The following RALY variants were observed in gnomAD, a reference collection of about 807,000 sequenced individuals.
The protein encoded by RALY is RNA-binding protein Raly.
RALY carries 15 observed loss-of-function variants against 30.7 expected under a neutral mutation model. The ratio of observed to expected loss-of-function variants is 0.49; its 90% CI spans 0.33 to 0.75. The LOEUF (loss-of-function observed/expected upper bound fraction) is 0.75. Among genes scored for constraint, RALY ranks in the 30% least tolerant of loss-of-function variants. RALY has a pLI of 0.02. For synonymous variants in RALY, 177 were observed against 170.8 expected (o/e 1.04, Z -0.28); for missense variants, 339 against 414.3 (o/e 0.82, Z 1.58).
rs969635059 is a variant in RALY, at chr20:34,082,979, G to C, written c.*3074G>C. 3.9e-5 allele frequency: 6 copies of C among 152,238 alleles called. No homozygotes were observed. The highest frequency in any genetic ancestry group is 8.8e-5 in the Non-Finnish European group (6 of 68,068). 9.4% of individuals were successfully genotyped at this position (152,238 alleles called of 1,614,324 possible). ...GGGTATACTGGATTGTGAGCTAAGA[G>C]GCCTGGGACTTTCCCCCTGTTGCTG... On this transcript the variant is annotated 3_prime_UTR_variant, in exon 10 of 10. Transcript: ENST00000246194.
chr20:34,037,653 C>T (rs1383159148), intron 2 of RALY, among the ~76,000 whole-genome samples: 1 of 152,144 alleles, frequency 6.6e-6, no homozygotes, highest in Non-Finnish European at 1.5e-5. Flanking sequence ...ACCCAGCGTA[C>T]TGTGTAAAGC....
intron 1 of RALY, among the ~76,000 whole-genome samples, chr20:34,009,869 T>C (rs2031324529): frequency 6.6e-6 from 1 of 152,114 alleles, no homozygotes; most frequent in African/African-American, 2.4e-5. Context: ...GGGAAACACT[T>C]GGTCAATTCA....
At chr20:33,996,160 T>C (rs1199106606) in intron 1 of RALY, among the ~76,000 whole-genome samples, 1 of 152,220 alleles carries the variant, frequency 6.6e-6, no homozygotes, top group Non-Finnish European at 1.5e-5. Flanking sequence ...CTTTTTTTAC[T>C]GTGAGGGAAT....
At chr20:34,014,270 G>T (rs2031524687) in intron 1 of RALY, among the ~76,000 whole-genome samples, 1 of 152,166 alleles carries the variant, frequency 6.6e-6, no homozygotes, top group South Asian at 2.1e-4. Flanking sequence ...GTACCTACTG[G>T]CAGTTGGATT....
At chr20:34,075,752 C>G in intron 5 of RALY, 122 bp from the exon 6 acceptor site, 2 of 1,109,310 alleles carry the variant, frequency 1.8e-6, no homozygotes, top group South Asian at 3.2e-5. Context: ...TAGGAGCCAG[C>G]AGAGGTGTGT....
intron 2 of RALY, among the ~76,000 whole-genome samples, chr20:34,037,615 C>T (rs1418606371): frequency 1.3e-5 from 2 of 152,140 alleles, no homozygotes; most frequent in Non-Finnish European, 2.9e-5. Context: ...TTAGTTTCCT[C>T]ATCTATAAAC....
chr20:34,075,202 C>T (rs184196458), intron 5 of RALY, among the ~76,000 whole-genome samples: 3 of 151,986 alleles, frequency 2.0e-5, no homozygotes, highest in Admixed American at 1.3e-4. Flanking sequence ...GAATGGAGCA[C>T]GAAGGATGTG....
intron 1 of RALY, among the ~76,000 whole-genome samples, chr20:34,008,690 G>T (rs1190542727): frequency 6.6e-6 from 1 of 152,178 alleles, no homozygotes; most frequent in Non-Finnish European, 1.5e-5. Context: ...ACAGGGTCTT[G>T]CTCTGTTACC....
Position 34,073,814 on chromosome 20 carries a change from C to G in RALY, c.330-5C>G. ...GCTCCAGCCCTCTCCCCTTTGTTTC[C>G]CCAGTGGCTACATCTTTGACTATGA... On this transcript the variant is annotated splice_polypyrimidine_tract_variant and splice_region_variant and intron_variant, in intron 4 of 9. Coordinates refer to ENST00000246194, the MANE Select transcript of RALY (RefSeq NM_016732.3). 3 of 1,614,078 alleles carry G rather than the reference C, an allele frequency of 1.9e-6. No homozygotes were observed. Among genetic ancestry groups the G allele is most frequent in the Non-Finnish European group, 2.5e-6 (3 of 1,179,964 alleles).
At chr20:34,020,415 A>G (rs972282437) in intron 1 of RALY, among the ~76,000 whole-genome samples, 3 of 152,228 alleles carry the variant, frequency 2.0e-5, no homozygotes, top group Non-Finnish European at 2.9e-5. Context: ...GAAGCTGCCA[A>G]ATTACAACTC....
rs75483658 is a variant in RALY at position 34,074,510 on chromosome 20, G to A, written c.377+644G>A. On this transcript the variant is annotated intron_variant, in intron 5 of 9. Transcript: ENST00000246194. ...GCTTAGCCCACCCCAGGCAGCCCAA[G>A]AAGAACAGTGCCTCTCTGAGCATGA... 2.6e-5 allele frequency among the ~76,000 whole-genome samples: 4 copies of A among 152,254 alleles called. No homozygotes were observed. In the East Asian group the frequency reaches 7.7e-4, roughly 29 times the overall value.
chr20:34,002,508 C>T (rs1439624203), intron 1 of RALY, among the ~76,000 whole-genome samples: 2 of 152,226 alleles, frequency 1.3e-5, no homozygotes, highest in African/African-American at 4.8e-5. Flanking sequence ...GCCTGCCGCC[C>T]TGGCTCATAT....
intron 2 of RALY, among the ~76,000 whole-genome samples, chr20:34,065,563 A>G (rs757140898): frequency 5.9e-5 from 9 of 152,206 alleles, no homozygotes; most frequent in South Asian, 4.1e-4. Context: ...TCATTTGGGC[A>G]CTGCTAATGA....
rs1186263711 is a variant in RALY, at chr20:34,080,797, C to T, written c.*892C>T. 6.6e-6 allele frequency: 1 copy of T among 152,408 alleles called. No individual in the cohort carries two copies. The highest frequency in any genetic ancestry group is 1.5e-5 in the Non-Finnish European group (1 of 68,116). 9.4% of individuals were successfully genotyped at this position (152,408 alleles called of 1,614,324 possible). On this transcript the variant is annotated 3_prime_UTR_variant, in exon 10 of 10. Transcript: ENST00000246194. ...GGTGTAAGATCCTGCTTACTCCAGC[C>T]TCTCCTGTTTCTTGTCACCACCCCT...
intron 1 of RALY, among the ~76,000 whole-genome samples, chr20:34,013,162 T>C (rs1022962036): frequency 6.6e-6 from 1 of 152,000 alleles, no homozygotes; most frequent in African/African-American, 2.4e-5. Flanking sequence ...TAAACTAGGG[T>C]GTTTGGTAAG....
At chr20:34,028,768 G>A (rs2032149288) in intron 1 of RALY, among the ~76,000 whole-genome samples, 2 of 149,270 alleles carry the variant, frequency 1.3e-5, no homozygotes, top group Admixed American at 1.3e-4. Flanking sequence ...AAGGGTTCAG[G>A]ATTACGTCAT....
rs6120498 is a variant in RALY at position 34,046,172 on chromosome 20, C to G, written c.-10+14568C>G. On this transcript the variant is annotated intron_variant, in intron 2 of 9. Coordinates refer to ENST00000246194, the MANE Select transcript of RALY (RefSeq NM_016732.3). Reference sequence around the variant, plus strand: ...CTTGCTCATGCTATTATTTCCACACCTGAACTGGCAGCCTGCTCTTAACCA... The same window carrying G: ...CTTGCTCATGCTATTATTTCCACACGTGAACTGGCAGCCTGCTCTTAACCA... Among the ~76,000 whole-genome samples the G allele has an allele frequency of 5.9e-5, 9 of 152,290 alleles. No individual in the cohort carries two copies. The South Asian group carries it at 1.9e-3, about 32-fold the overall frequency.
At chr20:34,002,109 G>T (rs958824426) in intron 1 of RALY, among the ~76,000 whole-genome samples, 4 of 152,160 alleles carry the variant, frequency 2.6e-5, no homozygotes, top group Admixed American at 2.0e-4. Context: ...TAAGGCTTTG[G>T]AATTTTGTTT....
At chr20:34,011,997 C>T (rs563237772) in intron 1 of RALY, among the ~76,000 whole-genome samples, 4 of 150,900 alleles carry the variant, frequency 2.7e-5, no homozygotes, top group Admixed American at 6.6e-5. Flanking sequence ...ACCCAGGAGG[C>T]GGAGGCTGCA....
Sources: gnomAD v4.1 joint callset for allele counts (sites outside exome capture counted in the v4.1 genomes callset) on GRCh38, gnomAD v4.1.1 for gene constraint, MANE v1.5 for transcripts, NCBI Gene and HGNC (gene_info 2026-07-23, HGNC 2026-07-21) for gene names.